MYO6: variants seen among roughly 807,000 people sequenced by gnomAD.
The protein encoded by MYO6 is unconventional myosin-VI.
A neutral mutation model predicts 178.7 loss-of-function variants in MYO6; 74 were observed. The observed-to-expected ratio is 0.41, with a 90% confidence interval of 0.34 to 0.50. The LOEUF (loss-of-function observed/expected upper bound fraction) is 0.50. Among genes scored for constraint, MYO6 ranks in the 20% least tolerant of loss-of-function variants. The pLI is 0.09. For synonymous variants in MYO6, 477 were observed against 504.6 expected, an observed-to-expected ratio of 0.95 and a Z score of 0.73; for missense variants, 1,330 against 1,547.4, an observed-to-expected ratio of 0.86 and a Z score of 2.36.
intron 13 of MYO6, 122 bp downstream of exon 13, chr6:75,857,376 C>T: frequency 2.0e-6 from 2 of 976,740 alleles, no homozygotes; most frequent in Middle Eastern, 3.2e-4. Flanking sequence ...ATTATATGTC[C>T]ACACTCACAT....
rs141925339 is a variant in MYO6, at chr6:75,911,677, G to A, written c.3418G>A (p.Ala1140Thr). 3.7e-6 allele frequency: 6 copies of A among 1,611,552 alleles called. No homozygotes were observed. The highest frequency in any genetic ancestry group is 1.3e-5 in the African/African-American group (1 of 74,914). Residue 1140 changes from alanine (A) to threonine (T), a missense_variant, in exon 33 of 35, where the codon GCA becomes ACA. Physicochemically the swap from Ala to Thr is moderately conservative, Grantham distance 58. Transcript: ENST00000369977. ...APKSVTDYDF[A>T]PFLNNSPQQN... ...CATAAAATATTTGTTCACAGATTTTGCACCATTTTTGAACAATTCACGTAA... is the reference window on the plus strand; with the variant it reads ...CATAAAATATTTGTTCACAGATTTTACACCATTTTTGAACAATTCACGTAA...
At chr6:75,802,261 G>A (rs372602050) in intron 1 of MYO6, among the ~76,000 whole-genome samples, 17 of 151,932 alleles carry the variant, frequency 1.1e-4, no homozygotes, top group African/African-American at 4.1e-4. Flanking sequence ...CTGAGGTCAG[G>A]AGTTTCAGTC....
intron 1 of MYO6, among the ~76,000 whole-genome samples, chr6:75,817,120 A>G (rs531959485): frequency 5.3e-5 from 8 of 152,250 alleles, no homozygotes; most frequent in Admixed American, 5.2e-4. Context: ...CCTGGCTAAC[A>G]CGGTGAAATC....
intron 1 of MYO6, among the ~76,000 whole-genome samples, chr6:75,771,863 T>C (rs1583024693): frequency 6.6e-6 from 1 of 152,182 alleles, no homozygotes; most frequent in East Asian, 1.9e-4. Context: ...AATTAAATCT[T>C]TGTAAGTAAA....
intron 1 of MYO6, among the ~76,000 whole-genome samples, chr6:75,768,506 G>A (rs1778638682): frequency 1.3e-5 from 2 of 151,488 alleles, no homozygotes; most frequent in South Asian, 4.2e-4. Flanking sequence ...TCAGCCTCCC[G>A]AGTAGCTGGG....
chr6:75,760,476 A>G (rs141049295), intron 1 of MYO6, among the ~76,000 whole-genome samples: 1 of 152,290 alleles, frequency 6.6e-6, no homozygotes, highest in Non-Finnish European at 1.5e-5. Flanking sequence ...ATTAAGAAGC[A>G]GCTAGAGAGG....
chr6:75,792,997 G>C (rs903190892), intron 1 of MYO6, among the ~76,000 whole-genome samples: 3 of 151,238 alleles, frequency 2.0e-5, no homozygotes, highest in Admixed American at 6.6e-5. Flanking sequence ...TCGTCATGTT[G>C]ACCAGGCTTG....
intron 1 of MYO6, among the ~76,000 whole-genome samples, chr6:75,772,195 T>TGTAACCTCTTTTTGTCTCC (rs1430199746): frequency 6.6e-6 from 1 of 152,186 alleles, no homozygotes; most frequent in African/African-American, 2.4e-5. Flanking sequence ...ATGAAGTTTC[T>TGTAACCTCTTTTTGTCTCC]GTAACCTCTT....
intron 1 of MYO6, among the ~76,000 whole-genome samples, chr6:75,810,671 G>A (rs906823911): frequency 1.3e-5 from 2 of 152,196 alleles, no homozygotes; most frequent in African/African-American, 4.8e-5. Flanking sequence ...GGTGGGGGAT[G>A]GGAACTGGAT....
intron 11 of MYO6, among the ~76,000 whole-genome samples, chr6:75,849,101 C>T (rs536640535): frequency 2.2e-4 from 33 of 152,292 alleles, no homozygotes; most frequent in African/African-American, 7.9e-4. Context: ...TAAATTTGAT[C>T]TACGAATACA....
At chr6:75,804,599 C>T (rs910459705) in intron 1 of MYO6, among the ~76,000 whole-genome samples, 2 of 152,016 alleles carry the variant, frequency 1.3e-5, no homozygotes. Context: ...TTCCTATTAG[C>T]TAGAAGGCTC....
rs1776643385 is a variant in MYO6 at position 75,749,390 on chromosome 6, C to G, written c.-81C>G. The G allele has an allele frequency of 6.5e-6, 1 of 153,242 alleles. No homozygotes were observed. The highest frequency in any genetic ancestry group is 1.5e-5 in the Non-Finnish European group (1 of 68,884). 9.5% of individuals were successfully genotyped at this position (153,242 alleles called of 1,614,324 possible). On this transcript the variant is annotated 5_prime_UTR_variant, in exon 1 of 35. Transcript: ENST00000369977. ...TCCAGCTTCACCCGTACAGGTAGCC[C>G]CGCCGCCGCGCACCTGCCTTCGCTC...
chr6:75,819,699 G>C (rs889527386), intron 2 of MYO6, among the ~76,000 whole-genome samples: 10 of 152,218 alleles, frequency 6.6e-5, no homozygotes, highest in African/African-American at 2.4e-4. Flanking sequence ...TTGATCAAAA[G>C]AAACATTCTT....
At chr6:75,774,626 C>T (rs1022739735) in intron 1 of MYO6, among the ~76,000 whole-genome samples, 1 of 151,952 alleles carries the variant, frequency 6.6e-6, no homozygotes, top group African/African-American at 2.4e-5. Context: ...AAAGTAGCTT[C>T]TTAAATAATA....
intron 6 of MYO6, among the ~76,000 whole-genome samples, chr6:75,834,973 T>C (rs1249435807): frequency 6.6e-6 from 1 of 152,224 alleles, no homozygotes; most frequent in East Asian, 1.9e-4. Context: ...TAAGGAGTTA[T>C]AAACTTATAA....
At chr6:75,882,398 A>G (rs1324049663) in intron 23 of MYO6, among the ~76,000 whole-genome samples, 1 of 152,120 alleles carries the variant, frequency 6.6e-6, no homozygotes, top group Non-Finnish European at 1.5e-5. Context: ...CTTTCCTTTC[A>G]TAAAAGGTGA....
intron 1 of MYO6, among the ~76,000 whole-genome samples, chr6:75,792,384 A>T (rs1439980551): frequency 1.3e-5 from 2 of 152,344 alleles, no homozygotes; most frequent in East Asian, 3.9e-4. Flanking sequence ...CAAGAATATA[A>T]GGTGGACTGT....
rs145659708 is a variant in MYO6 at position 75,831,070 on chromosome 6, T to C, written c.391+525T>C. Among the ~76,000 whole-genome samples the C allele has an allele frequency of 4.1e-3, 621 of 152,330 alleles. 7 individuals are homozygous for C. The highest frequency in any genetic ancestry group is 0.014 in the African/African-American group (589 of 41,588). On this transcript the variant is annotated intron_variant, in intron 5 of 34. Transcript: ENST00000369977. The stretch of plus-strand genomic sequence containing the variant: ...ATGCTTCATACCACTGGAGAATCTA[T>C]GTGGGAAGACAGTAGTGTCTCTTTG...
chr6:75,801,889 T>C (rs1171819966), intron 1 of MYO6, among the ~76,000 whole-genome samples: 12 of 151,246 alleles, frequency 7.9e-5, no homozygotes, highest in African/African-American at 2.4e-4. Flanking sequence ...TGCAGTGAGC[T>C]GAGATCACGC....
Sources: allele counts gnomAD v4.1 joint callset (sites outside exome capture counted in the v4.1 genomes callset), GRCh38; gene constraint gnomAD v4.1.1; transcripts MANE v1.5; gene names NCBI Gene and HGNC (gene_info 2026-07-23, HGNC 2026-07-21).